The following LRRC7 variants were observed in gnomAD, a reference collection of about 807,000 sequenced individuals.
LRRC7 encodes leucine rich repeat containing 7.
A neutral mutation model predicts 175.7 loss-of-function variants in LRRC7; 23 were observed. The observed-to-expected ratio is 0.13, with a 90% CI of 0.09 to 0.19. LRRC7 has a LOEUF of 0.19. Among genes scored for constraint, LRRC7 ranks in the 10% least tolerant of loss-of-function variants. The pLI is 1.00. For missense variants in LRRC7, 1,354 were observed against 1,904.7 expected (o/e 0.71, Z 5.38); for synonymous variants, 685 against 680.9 (o/e 1.01, Z -0.09).
chr1:69,919,702 C>G (rs1646825103), intron 7 of LRRC7: 1 of 992,246 alleles, frequency 1.0e-6, no homozygotes, highest in Non-Finnish European at 1.6e-6. Context: ...CGGCCAAGGC[C>G]AGGGGAGACC....
intron 2 of LRRC7, among the ~76,000 whole-genome samples, chr1:69,738,822 GA>G (rs1668399122): frequency 6.6e-6 from 1 of 151,646 alleles, no homozygotes; most frequent in African/African-American, 2.4e-5. Context: ...AGACGGAGTA[GA>G]AAAAAAACTT....
Position 69,781,789 on chromosome 1 carries a change from GGAA to G in LRRC7, c.304-10252_304-10250del, listed in dbSNP as rs1480374521. On this transcript the variant is annotated intron_variant, in intron 3 of 26. Coordinates refer to ENST00000651989, the MANE Select transcript of LRRC7 (RefSeq NM_001370785.2). ...AGAAAGAAAGAAAGAAAGAAAGAAA[GGAA>G]GGAAGGAAGGAAGGAAGGAAGGAAG... Among the ~76,000 whole-genome samples the G allele has an allele frequency of 3.9e-4, 9 of 23,020 alleles. 1 individual carries two copies. Among genetic ancestry groups the G allele is most frequent in the African/African-American group, 1.7e-3 (8 of 4,604 alleles). 15.1% of individuals were successfully genotyped at this position (23,020 alleles called of 152,430 possible).
At chr1:70,116,756 G>A (rs1038612963) in intron 26 of LRRC7, among the ~76,000 whole-genome samples, 1 of 152,126 alleles carries the variant, frequency 6.6e-6, no homozygotes, top group Non-Finnish European at 1.5e-5. Context: ...GCTTGGCATA[G>A]AGTCAATATA....
intron 7 of LRRC7, among the ~76,000 whole-genome samples, chr1:69,854,909 G>T (rs1683415699): frequency 6.6e-6 from 1 of 152,056 alleles, no homozygotes; most frequent in Non-Finnish European, 1.5e-5. Context: ...AAGTGGGGGG[G>T]ACCTGGGCTT....
At chr1:69,969,083 G>A (rs1570847988) in intron 8 of LRRC7, among the ~76,000 whole-genome samples, 1 of 152,034 alleles carries the variant, frequency 6.6e-6, no homozygotes, top group Admixed American at 6.6e-5. Context: ...CTCCCAAAGT[G>A]CTGGGATTAC....
At chr1:69,747,478 A>C (rs1275352881) in intron 2 of LRRC7, among the ~76,000 whole-genome samples, 1 of 152,134 alleles carries the variant, frequency 6.6e-6, no homozygotes, top group Admixed American at 6.6e-5. Flanking sequence ...AATTGTATAC[A>C]TATTCAGAGT....
intron 1 of LRRC7, among the ~76,000 whole-genome samples, chr1:69,594,332 A>G (rs1031121876): frequency 6.6e-6 from 1 of 152,200 alleles, no homozygotes; most frequent in African/African-American, 2.4e-5. Context: ...GACTTTTTAT[A>G]TGTACCATTA....
chr1:69,656,954 AAGAG>A (rs1246987293), intron 1 of LRRC7, among the ~76,000 whole-genome samples: 1 of 151,940 alleles, frequency 6.6e-6, no homozygotes, highest in Non-Finnish European at 1.5e-5. Flanking sequence ...TTAAAAGGAA[AAGAG>A]AGAGAATAGA....
At position 70,105,158 on chromosome 1, in the gene LRRC7, A is replaced by G. The variant is rs548445526; in HGVS notation, c.4546-2594A>G. On this transcript the variant is annotated intron_variant, in intron 25 of 26. Coordinates refer to ENST00000651989, the MANE Select transcript of LRRC7 (RefSeq NM_001370785.2). ...GTGTGGAAAGAACCATGGGGATTAT[A>G]TTTGTTGTCACAACTAGTGCCATTC... is the stretch of plus-strand genomic sequence containing the variant. Among the ~76,000 whole-genome samples the G allele has an allele frequency of 2.4e-3, 361 of 152,270 alleles. 1 individual carries two copies. Among genetic ancestry groups the G allele is most frequent in the Non-Finnish European group, 4.3e-3 (295 of 68,010 alleles).
intron 7 of LRRC7, among the ~76,000 whole-genome samples, chr1:69,925,723 A>C (rs1647049729): frequency 6.6e-6 from 1 of 151,730 alleles, no homozygotes; most frequent in Non-Finnish European, 1.5e-5. Context: ...GCGGTCTATC[A>C]ATTTTGTTGA....
chr1:70,071,653 C>A (rs1289115216), intron 23 of LRRC7, among the ~76,000 whole-genome samples: 3 of 152,092 alleles, frequency 2.0e-5, no homozygotes, highest in Non-Finnish European at 2.9e-5. Flanking sequence ...ATTCTGCTTC[C>A]AGACATTTTA....
At chr1:69,998,770 A>G (rs1384278070) in intron 11 of LRRC7, among the ~76,000 whole-genome samples, 1 of 152,230 alleles carries the variant, frequency 6.6e-6, no homozygotes, top group Non-Finnish European at 1.5e-5. Context: ...TTCAGTAGGA[A>G]GTAGAACCCT....
intron 3 of LRRC7, among the ~76,000 whole-genome samples, chr1:69,767,039 A>C (rs1671698505): frequency 6.6e-6 from 1 of 152,036 alleles, no homozygotes; most frequent in South Asian, 2.1e-4. Context: ...CAGTCACTCC[A>C]TGTTCCCTGT....
At chr1:69,975,249 C>T (rs1466347093) in intron 8 of LRRC7, among the ~76,000 whole-genome samples, 1 of 152,150 alleles carries the variant, frequency 6.6e-6, no homozygotes, top group African/African-American at 2.4e-5. Flanking sequence ...TTGCCCAAAT[C>T]CTTGGAAATC....
intron 1 of LRRC7, among the ~76,000 whole-genome samples, chr1:69,663,800 C>A (rs1291754788): frequency 2.8e-5 from 4 of 141,834 alleles, no homozygotes; most frequent in Admixed American, 7.5e-5. Context: ...CAGCTCACTG[C>A]AAGCTCCGCT....
intron 7 of LRRC7, among the ~76,000 whole-genome samples, chr1:69,869,345 C>T (rs1184868062): frequency 3.3e-5 from 5 of 151,848 alleles, no homozygotes; most frequent in Admixed American, 1.3e-4. Context: ...AGGGAGAAGC[C>T]TAATCTAGGT....
At position 70,122,033 on chromosome 1, in the gene LRRC7, C is replaced by T. The variant is rs571958656; in HGVS notation, c.*146C>T. ...AATACTATATGTTAGCACTGACCAT[C>T]CTTAAAAAATGTTAACTCTATAAAT... On this transcript the variant is annotated 3_prime_UTR_variant, in exon 27 of 27. Coordinates refer to ENST00000651989, the MANE Select transcript of LRRC7 (RefSeq NM_001370785.2). 25 of 544,978 alleles carry T rather than the reference C, an allele frequency of 4.6e-5. No individual in the cohort carries two copies. The East Asian group carries it at 7.2e-4, about 16-fold the overall frequency. The allele number at this position is 544,978 out of a possible 1,614,324, so 33.8% of individuals were successfully genotyped here.
chr1:69,871,197 G>T (rs990160990), intron 7 of LRRC7, among the ~76,000 whole-genome samples: 1 of 152,006 alleles, frequency 6.6e-6, no homozygotes. Context: ...GTATACGTAT[G>T]CCCTATCTTC....
intron 24 of LRRC7, among the ~76,000 whole-genome samples, chr1:70,088,467 G>A (rs935363845): frequency 6.6e-6 from 1 of 152,126 alleles, no homozygotes; most frequent in African/African-American, 2.4e-5. Context: ...GGAGGCTGAG[G>A]CAGGAGGATA....
Sources: allele counts gnomAD v4.1 joint callset (sites outside exome capture counted in the v4.1 genomes callset), GRCh38; gene constraint gnomAD v4.1.1; transcripts MANE v1.5; gene names NCBI Gene and HGNC (gene_info 2026-07-23, HGNC 2026-07-21).